The following GMDS variants were observed in gnomAD, a reference collection of about 807,000 sequenced individuals.
GMDS encodes the protein GDP-mannose 4,6 dehydratase.
Under a neutral mutation model 49.9 loss-of-function variants are expected in GMDS, and 20 were observed. The observed-to-expected ratio is 0.40, with a 90% CI of 0.28 to 0.58. The LOEUF is 0.58. Among genes scored for constraint, GMDS ranks in the 20% least tolerant of loss-of-function variants. The probability of loss-of-function intolerance (pLI) is 0.42; values close to 1 mark genes in which losing one functional copy is unlikely to be tolerated. For missense variants in GMDS, 362 were observed against 481.4 expected (o/e 0.75, Z 2.32); for synonymous variants, 177 against 178.6 (o/e 0.99, Z 0.07).
Position 2,048,416 on chromosome 6 carries a change from C to T in GMDS, c.345+67355G>A, listed in dbSNP as rs115320765. 6.5e-3 allele frequency among the ~76,000 whole-genome samples: 993 copies of T among 152,240 alleles called. 9 individuals are homozygous for T. Among genetic ancestry groups the T allele is most frequent in the African/African-American group, 0.022 (931 of 41,544 alleles). ...TCTATATGTTACTCTCAGGCCAATG[C>T]CTCACTGTTTTAATTAATATGACTT... On this transcript the variant is annotated intron_variant, in intron 4 of 10. Transcript: ENST00000380815.
At position 1,961,454 on chromosome 6, in the gene GMDS, T is replaced by C. The variant is rs1054444753; in HGVS notation, c.346-488A>G. 2.6e-5 allele frequency among the ~76,000 whole-genome samples: 4 copies of C among 152,226 alleles called. No individual in the cohort carries two copies. The East Asian group carries it at 7.7e-4, about 29-fold the overall frequency. ...TTTATTTTCTATTCTAAAGGTACAA[T>C]AATAAATTTGTAATCTATTACACGA... On this transcript the variant is annotated intron_variant, in intron 4 of 10. Coordinates refer to ENST00000380815, the MANE Select transcript of GMDS (RefSeq NM_001500.4).
intron 7 of GMDS, among the ~76,000 whole-genome samples, chr6:1,829,876 C>T (rs1400207899): frequency 6.6e-6 from 1 of 152,126 alleles, no homozygotes; most frequent in African/African-American, 2.4e-5. Context: ...CAAGAATCAC[C>T]CTCTGTGTGC....
chr6:2,085,812 T>C (rs756483672), intron 4 of GMDS, among the ~76,000 whole-genome samples: 5 of 152,050 alleles, frequency 3.3e-5, no homozygotes, highest in Non-Finnish European at 5.9e-5. Context: ...CAGGCGTGAG[T>C]CACCACACCT....
At chr6:1,658,519 T>C (rs1187632312) in intron 9 of GMDS, among the ~76,000 whole-genome samples, 1 of 152,264 alleles carries the variant, frequency 6.6e-6, no homozygotes. Flanking sequence ...CATTATGGAA[T>C]GCTTCCTCTA....
chr6:1,753,062 A>T (rs1767793515), intron 7 of GMDS, among the ~76,000 whole-genome samples: 1 of 152,258 alleles, frequency 6.6e-6, no homozygotes, highest in Non-Finnish European at 1.5e-5. Flanking sequence ...AATGGGCTTA[A>T]TGCCCCAATT....
chr6:1,848,919 A>G (rs1757534806), intron 7 of GMDS, among the ~76,000 whole-genome samples: 1 of 152,140 alleles, frequency 6.6e-6, no homozygotes, highest in South Asian at 2.1e-4. Context: ...TTTGGGCCAG[A>G]TAGTTCTTTG....
chr6:1,758,161 T>C (rs1458358319), intron 7 of GMDS, among the ~76,000 whole-genome samples: 1 of 152,236 alleles, frequency 6.6e-6, no homozygotes, highest in Non-Finnish European at 1.5e-5. Flanking sequence ...CCTGTTTGCT[T>C]ATCCTGCTAA....
chr6:2,237,516 A>AC (rs1781416709), intron 1 of GMDS, among the ~76,000 whole-genome samples: 1 of 140,668 alleles, frequency 7.1e-6, no homozygotes, highest in African/African-American at 2.7e-5. Flanking sequence ...GTTTGGAAGT[A>AC]CCTTTTTTTT....
chr6:1,802,651 C>T (rs1769996364), intron 7 of GMDS, among the ~76,000 whole-genome samples: 1 of 152,230 alleles, frequency 6.6e-6, no homozygotes, highest in Non-Finnish European at 1.5e-5. Context: ...GCGAGTCTGC[C>T]CTACAGGGCG....
At chr6:1,791,934 C>T (rs1355996443) in intron 7 of GMDS, among the ~76,000 whole-genome samples, 2 of 152,178 alleles carry the variant, frequency 1.3e-5, no homozygotes, top group Non-Finnish European at 2.9e-5. Flanking sequence ...CCTTGCCAGA[C>T]TCTTCAGAGT....
intron 7 of GMDS, among the ~76,000 whole-genome samples, chr6:1,900,383 A>C (rs1760440367): frequency 1.3e-5 from 2 of 152,362 alleles, no homozygotes; most frequent in South Asian, 2.1e-4. Flanking sequence ...ATATGCTAGC[A>C]CATAACACAC....
chr6:2,141,712 G>C (rs1321979204), intron 1 of GMDS, among the ~76,000 whole-genome samples: 1 of 152,204 alleles, frequency 6.6e-6, no homozygotes, highest in Non-Finnish European at 1.5e-5. Flanking sequence ...AGGTGACCAG[G>C]TAGGCTGGAA....
intron 4 of GMDS, among the ~76,000 whole-genome samples, chr6:2,084,168 A>C (rs1055281343): frequency 4.6e-5 from 7 of 152,246 alleles, no homozygotes; most frequent in Non-Finnish European, 8.8e-5. Context: ...AAACTTAATT[A>C]ACCTTTTCCT....
intron 1 of GMDS, among the ~76,000 whole-genome samples, chr6:2,210,678 T>C (rs1018855567): frequency 6.6e-6 from 1 of 152,174 alleles, no homozygotes. Context: ...AGGTGGGCCA[T>C]GGGCAGTGGT....
chr6:1,728,471 T>C (rs1233315770), intron 8 of GMDS, among the ~76,000 whole-genome samples: 2 of 152,240 alleles, frequency 1.3e-5, no homozygotes, highest in Non-Finnish European at 1.5e-5. Context: ...TGCTGACTGA[T>C]TTTTCGCCTG....
intron 1 of GMDS, among the ~76,000 whole-genome samples, chr6:2,164,576 A>C (rs551331746): frequency 6.6e-6 from 1 of 152,340 alleles, no homozygotes; most frequent in African/African-American, 2.4e-5. Context: ...ATCAGAATTT[A>C]GGGTTCGATA....
intron 4 of GMDS, among the ~76,000 whole-genome samples, chr6:2,060,230 C>T (rs1055345621): frequency 6.6e-6 from 1 of 152,176 alleles, no homozygotes; most frequent in African/African-American, 2.4e-5. Context: ...GCATTCTCTG[C>T]CCCTCTGCTC....
At chr6:1,636,620 G>A (rs943814923) in intron 9 of GMDS, among the ~76,000 whole-genome samples, 9 of 152,210 alleles carry the variant, frequency 5.9e-5, no homozygotes, top group South Asian at 2.1e-4. Flanking sequence ...ATGGAGGAAC[G>A]GGCTCCCATG....
chr6:1,996,082 TTTC>T (rs948986458), intron 4 of GMDS, among the ~76,000 whole-genome samples: 56 of 151,978 alleles, frequency 3.7e-4, no homozygotes, highest in Non-Finnish European at 8.8e-5. Flanking sequence ...CTTTCCTTCT[TTTC>T]TTCTTCTCCT....
Sources: gnomAD v4.1 joint callset for allele counts (sites outside exome capture counted in the v4.1 genomes callset) on GRCh38, gnomAD v4.1.1 for gene constraint, MANE v1.5 for transcripts, NCBI Gene and HGNC (gene_info 2026-07-23, HGNC 2026-07-21) for gene names.